Variants in ATP2B2 observed in about 807,000 individuals in gnomAD.
ATP2B2 encodes plasma membrane calcium-transporting ATPase 2.
In ATP2B2, 15 loss-of-function variants were observed where a neutral mutation model predicts 120.0. That is an observed-to-expected ratio of 0.12 (90% CI 0.08 to 0.19). ATP2B2 has a LOEUF of 0.19. Among genes scored for constraint, ATP2B2 ranks in the 10% least tolerant of loss-of-function variants. ATP2B2 has a pLI of 1.00. For missense variants in ATP2B2, 1,045 were observed against 1,719.8 expected (o/e 0.61, Z 6.94); for synonymous variants, 694 against 700.3 (o/e 0.99, Z 0.14).
chr3:10,671,744 A>T (rs1183217049), intron 1 of ATP2B2, among the ~76,000 whole-genome samples: 1 of 152,088 alleles, frequency 6.6e-6, no homozygotes, highest in Non-Finnish European at 1.5e-5. Flanking sequence ...CCCTTCTTCA[A>T]ACTAGGAAAC....
intron 2 of ATP2B2, among the ~76,000 whole-genome samples, chr3:10,583,321 C>T (rs2068434237): frequency 6.6e-6 from 1 of 152,168 alleles, no homozygotes; most frequent in Non-Finnish European, 1.5e-5. Flanking sequence ...AGAGCCTGCC[C>T]ATGAACACAT....
At chr3:10,645,047 A>C (rs1162258690) in intron 1 of ATP2B2, among the ~76,000 whole-genome samples, 2 of 152,166 alleles carry the variant, frequency 1.3e-5, no homozygotes, top group Non-Finnish European at 2.9e-5. Context: ...TGTTGAATGC[A>C]AGTTATTCTC....
chr3:10,417,846 C>T (rs2062842528), intron 2 of ATP2B2, among the ~76,000 whole-genome samples: 1 of 152,080 alleles, frequency 6.6e-6, no homozygotes, highest in South Asian at 2.1e-4. Context: ...AAGAGAAACT[C>T]CAAAGGTCTT....
intron 1 of ATP2B2, among the ~76,000 whole-genome samples, chr3:10,627,462 G>A (rs1211276554): frequency 6.6e-6 from 1 of 152,180 alleles, no homozygotes; most frequent in Non-Finnish European, 1.5e-5. Flanking sequence ...GGGCAGGAGG[G>A]AGAGGCTCCT....
chr3:10,443,962 G>A (rs1259904255), intron 2 of ATP2B2, among the ~76,000 whole-genome samples: 1 of 152,208 alleles, frequency 6.6e-6, no homozygotes, highest in African/African-American at 2.4e-5. Context: ...TGACACAGCT[G>A]AGGCTGGGAC....
At chr3:10,424,414 C>A (rs568752721) in intron 2 of ATP2B2, among the ~76,000 whole-genome samples, 1 of 152,330 alleles carries the variant, frequency 6.6e-6, no homozygotes, top group Non-Finnish European at 1.5e-5. Flanking sequence ...CTTGAGACAG[C>A]CTTTTGCTAT....
At chr3:10,563,047 A>T (rs778918240) in intron 2 of ATP2B2, among the ~76,000 whole-genome samples, 1 of 152,164 alleles carries the variant, frequency 6.6e-6, no homozygotes, top group Non-Finnish European at 1.5e-5. Flanking sequence ...ACTTTGTCAT[A>T]TTGTATAAAT....
rs768020427 is a variant in ATP2B2 at position 10,410,809 on chromosome 3, G to C, written c.206C>G (p.Pro69Arg). Residue 69 changes from proline to arginine, a missense_variant, in exon 3 of 23, where the codon CCG becomes CGG. Physicochemically the swap from Pro to Arg is moderately radical, Grantham distance 103. Transcript: ENST00000360273. ...CTTTTCCAGGTCTGGAGCGGTGCCC[G>C]GCAAACCTGTGGACAGAGAACAGAG... is the stretch of plus-strand genomic sequence containing the variant. ...RLKTSPVEGL[P>R]GTAPDLEKRK... 1 of 1,613,700 alleles carries C rather than the reference G, an allele frequency of 6.2e-7. No individual in the cohort carries two copies. Among genetic ancestry groups the C allele is most frequent in the Non-Finnish European group, 8.5e-7 (1 of 1,180,026 alleles).
At chr3:10,421,981 T>G (rs2062996345) in intron 2 of ATP2B2, among the ~76,000 whole-genome samples, 1 of 152,218 alleles carries the variant, frequency 6.6e-6, no homozygotes, top group Non-Finnish European at 1.5e-5. Flanking sequence ...GGCTCATTTA[T>G]TCACTAACAC....
intron 1 of ATP2B2, among the ~76,000 whole-genome samples, chr3:10,671,585 G>A (rs1274952580): frequency 6.6e-6 from 1 of 152,134 alleles, no homozygotes; most frequent in Admixed American, 6.5e-5. Context: ...AAGTCCCCAG[G>A]TGATGCCAAT....
At chr3:10,500,063 G>T (rs574176905) in intron 1 of ATP2B2, among the ~76,000 whole-genome samples, 12 of 151,382 alleles carry the variant, frequency 7.9e-5, no homozygotes, top group Non-Finnish European at 4.4e-5. Context: ...AGCCTCCTGA[G>T]TAGCTGGATT....
chr3:10,596,213 A>G (rs910484236), intron 2 of ATP2B2, among the ~76,000 whole-genome samples: 3 of 152,180 alleles, frequency 2.0e-5, no homozygotes, highest in Admixed American at 6.5e-5. Context: ...CAGCCCTTCA[A>G]TGGCTTCCAG....
chr3:10,585,760 C>T (rs1575526308), intron 2 of ATP2B2, among the ~76,000 whole-genome samples: 1 of 152,240 alleles, frequency 6.6e-6, no homozygotes, highest in African/African-American at 2.4e-5. Flanking sequence ...GCTCCTCTGC[C>T]AAAGGCTTTC....
chr3:10,373,719 G>A (rs1284615477), intron 11 of ATP2B2, among the ~76,000 whole-genome samples: 1 of 152,012 alleles, frequency 6.6e-6, no homozygotes, highest in Non-Finnish European at 1.5e-5. Context: ...TAGCTACTAG[G>A]AATTTTTTCT....
chr3:10,404,215 C>A (rs1265338564), intron 3 of ATP2B2, among the ~76,000 whole-genome samples: 1 of 152,210 alleles, frequency 6.6e-6, no homozygotes, highest in Non-Finnish European at 1.5e-5. Context: ...TTGCACTGAA[C>A]CAGCCGTTCC....
chr3:10,459,513 A>G (rs1414345751), intron 1 of ATP2B2, among the ~76,000 whole-genome samples: 1 of 151,346 alleles, frequency 6.6e-6, no homozygotes, highest in South Asian at 2.1e-4. Flanking sequence ...GCACTGCCCA[A>G]CTCTTTCCCT....
chr3:10,468,406 C>T (rs547593408), intron 1 of ATP2B2, among the ~76,000 whole-genome samples: 28 of 152,332 alleles, frequency 1.8e-4, no homozygotes, highest in African/African-American at 5.8e-4. Flanking sequence ...TCAGCCTGGC[C>T]GCATCACCTG....
At chr3:10,455,570 C>G (rs1017969398) in intron 1 of ATP2B2, among the ~76,000 whole-genome samples, 1 of 152,248 alleles carries the variant, frequency 6.6e-6, no homozygotes, top group African/African-American at 2.4e-5. Context: ...TTGAGTCCCC[C>G]CTGCTCCCCT....
At chr3:10,580,118 T>C (rs1167731294) in intron 2 of ATP2B2, among the ~76,000 whole-genome samples, 3 of 149,816 alleles carry the variant, frequency 2.0e-5, no homozygotes, top group Admixed American at 6.6e-5. Context: ...TTACGGGCCA[T>C]GTATAGGCAG....
Sources: allele counts gnomAD v4.1 joint callset (sites outside exome capture counted in the v4.1 genomes callset), GRCh38; gene constraint gnomAD v4.1.1; transcripts MANE v1.5; gene names NCBI Gene and HGNC (gene_info 2026-07-23, HGNC 2026-07-21).